The following LNX1 variants were observed in gnomAD, a reference collection of about 807,000 sequenced individuals.
The protein encoded by LNX1 is E3 ubiquitin-protein ligase LNX.
Under a neutral mutation model 68.4 loss-of-function variants are expected in LNX1, and 54 were observed. The observed-to-expected ratio is 0.79, with a 90% CI of 0.63 to 0.99. LNX1 has a LOEUF of 0.99. Among genes scored for constraint, LNX1 ranks in the 50% least tolerant of loss-of-function variants. The pLI, the probability that LNX1 is intolerant of heterozygous loss-of-function variation, is 0.00. For missense variants in LNX1, 906 were observed against 926.4 expected (o/e 0.98, Z 0.29); for synonymous variants, 336 against 350.0 (o/e 0.96, Z 0.45).
intron 2 of LNX1, among the ~76,000 whole-genome samples, chr4:53,533,282 C>T (rs1433531263): frequency 6.6e-6 from 1 of 152,084 alleles, no homozygotes; most frequent in South Asian, 2.1e-4. Context: ...CAGATTTGCC[C>T]GAGGAGCTTG....
chr4:53,555,813 C>T (rs558507589), intron 2 of LNX1, among the ~76,000 whole-genome samples: 3 of 151,864 alleles, frequency 2.0e-5, no homozygotes, highest in East Asian at 1.9e-4. Flanking sequence ...TAGCATCATA[C>T]TTTTATAGAT....
intron 2 of LNX1, 115 bp from the exon 3 acceptor site, chr4:53,508,342 T>C: frequency 1.5e-6 from 2 of 1,304,748 alleles, no homozygotes; most frequent in Admixed American, 2.3e-5. Flanking sequence ...AACTTGGAAT[T>C]TGATTTGCCT....
intron 2 of LNX1, among the ~76,000 whole-genome samples, chr4:53,612,491 A>G (rs2668541): frequency 0.74 from 111,915 of 152,054 alleles, 41,483 homozygotes; most frequent in East Asian, 0.91. Context: ...TCTGTAATGG[A>G]GGATAGCTGA....
rs1283613199 is a variant in LNX1 at position 53,567,743 on chromosome 4, T to C, written c.380+5880A>G. Among the ~76,000 whole-genome samples the C allele has an allele frequency of 3.3e-5, 5 of 151,984 alleles. No individual in the cohort carries two copies. The East Asian group carries it at 9.6e-4, about 29-fold the overall frequency. On this transcript the variant is annotated intron_variant, in intron 2 of 10. Coordinates refer to ENST00000263925, the MANE Select transcript of LNX1 (RefSeq NM_001126328.3). ...GAAAGGATCAACAAAATTGATAGAC[T>C]GCTAACAAGACTAATAAAGAAAAAA...
At chr4:53,641,642 A>G (rs1434607854) in intron 1 of LNX1, among the ~76,000 whole-genome samples, 1 of 152,194 alleles carries the variant, frequency 6.6e-6, no homozygotes, top group Non-Finnish European at 1.5e-5. Context: ...CAATCAAGGA[A>G]CAAATTCATT....
chr4:53,507,583 G>T, intron 3 of LNX1, 114 bp from the exon 4 acceptor site: 2 of 1,174,296 alleles, frequency 1.7e-6, no homozygotes, highest in Non-Finnish European at 2.4e-6. Context: ...CCTCTGGGTG[G>T]TAGGATTGTA....
intron 6 of LNX1, among the ~76,000 whole-genome samples, chr4:53,488,696 C>G (rs1302207269): frequency 4.6e-5 from 7 of 152,110 alleles, no homozygotes; most frequent in African/African-American, 1.7e-4. Context: ...TGAAAGGTGA[C>G]AAGGAGGTAT....
rs112618641 is a variant in LNX1, at chr4:53,515,053, A to G, written c.381-6826T>C. 5.2e-5 allele frequency among the ~76,000 whole-genome samples: 8 copies of G among 152,384 alleles called. 1 individual carries two copies. Among genetic ancestry groups the G allele is most frequent in the African/African-American group, 1.9e-4 (8 of 41,598 alleles). On this transcript the variant is annotated intron_variant, in intron 2 of 10. Transcript: ENST00000263925. The stretch of plus-strand genomic sequence containing the variant: ...TACCAGAAAACTGTGACTCAAGGAT[A>G]TTTCACAGAGAGATGGGAATTAACT...
At chr4:53,602,165 A>T (rs1488393117) in intron 2 of LNX1, among the ~76,000 whole-genome samples, 4 of 152,122 alleles carry the variant, frequency 2.6e-5, no homozygotes, top group Admixed American at 2.0e-4. Flanking sequence ...AAATGAAGTT[A>T]CTCTCCGAAG....
intron 2 of LNX1, among the ~76,000 whole-genome samples, chr4:53,546,124 T>A (rs1729102908): frequency 6.6e-6 from 1 of 152,192 alleles, no homozygotes; most frequent in Admixed American, 6.5e-5. Context: ...ACATTTTTAA[T>A]CAATACAAGC....
intron 1 of LNX1, among the ~76,000 whole-genome samples, chr4:53,590,935 G>A (rs1015048326): frequency 3.3e-5 from 5 of 152,134 alleles, no homozygotes; most frequent in African/African-American, 1.2e-4. Context: ...AAAAAAACTA[G>A]GGACACTTCA....
chr4:53,605,456 A>G (rs1733190138), intron 2 of LNX1, among the ~76,000 whole-genome samples: 1 of 152,116 alleles, frequency 6.6e-6, no homozygotes, highest in Non-Finnish European at 1.5e-5. Context: ...AAGTACCTAA[A>G]TATGTTCCCA....
intron 2 of LNX1, among the ~76,000 whole-genome samples, chr4:53,540,108 A>G (rs754480185): frequency 1.3e-5 from 2 of 152,200 alleles, no homozygotes; most frequent in Non-Finnish European, 2.9e-5. Context: ...AAATGACAAC[A>G]TGGTGGCTCA....
intron 1 of LNX1, among the ~76,000 whole-genome samples, chr4:53,625,302 CAT>C (rs1284137491): frequency 6.6e-6 from 1 of 152,140 alleles, no homozygotes. Context: ...AATGTGAGAA[CAT>C]ATTTGCAAAT....
chr4:53,648,249 G>T (rs1734964413), intron 1 of LNX1, among the ~76,000 whole-genome samples: 1 of 152,124 alleles, frequency 6.6e-6, no homozygotes, highest in African/African-American at 2.4e-5. Context: ...ATTTCTCCAT[G>T]GCCTTCACAA....
At chr4:53,473,875 T>A (rs896145400) in intron 9 of LNX1, among the ~76,000 whole-genome samples, 3 of 152,078 alleles carry the variant, frequency 2.0e-5, no homozygotes, top group Non-Finnish European at 4.4e-5. Flanking sequence ...ACTAAATATA[T>A]GAAATATAAA....
chr4:53,603,158 CA>C (rs1370681765), intron 2 of LNX1, among the ~76,000 whole-genome samples: 12 of 152,156 alleles, frequency 7.9e-5, no homozygotes, highest in African/African-American at 2.9e-4. Context: ...ATTAAGGCAG[CA>C]AATAAATCAG....
At chr4:53,604,158 C>CCAAACTGCT (rs1242882565) in intron 2 of LNX1, 3 of 152,084 alleles carry the variant, frequency 2.0e-5, no homozygotes, top group Admixed American at 2.0e-4. Context: ...TTTGAAGTTG[C>CCAAACTGCT]CAAACTGCTG....
chr4:53,618,413 G>T (rs1412726821), upstream of LNX1, among the ~76,000 whole-genome samples: 2 of 152,142 alleles, frequency 1.3e-5, no homozygotes, highest in African/African-American at 2.4e-5. Flanking sequence ...CCAGAACCTT[G>T]CTCTTTGAGA....
Sources: gnomAD v4.1 joint callset for allele counts (sites outside exome capture counted in the v4.1 genomes callset) on GRCh38, gnomAD v4.1.1 for gene constraint, MANE v1.5 for transcripts, NCBI Gene and HGNC (gene_info 2026-07-23, HGNC 2026-07-21) for gene names.